The following RECQL4 variants were observed in gnomAD, a reference collection of about 807,000 sequenced individuals.
RECQL4 encodes the protein ATP-dependent DNA helicase Q4.
In RECQL4, 158 loss-of-function variants were observed where a neutral mutation model predicts 128.6. That is an observed-to-expected ratio of 1.23 (90% CI 1.08 to 1.40). The LOEUF (loss-of-function observed/expected upper bound fraction) is 1.40, where lower values mean the gene tolerates loss of function less well. RECQL4 is among the 40% of genes most tolerant of loss of function. The pLI, the probability that RECQL4 is intolerant of heterozygous loss-of-function variation, is 0.00. For synonymous variants in RECQL4, 996 were observed against 678.9 expected, an observed-to-expected ratio of 1.47 and a Z score of -7.26; for missense variants, 2,293 against 1,649.8, an observed-to-expected ratio of 1.39 and a Z score of -6.75.
At position 144,513,458 on chromosome 8, in the gene RECQL4, G is replaced by T; in HGVS notation, c.2223C>A (p.Ala741=). The part of the protein sequence containing the change: ...GSGGRAPKTT[A]EAYHAGMCSR... ...TGCACATGCCCGCGTGGTAGGCCTC[G>T]GCTGTGGTTTTGGGGGCACGACCTT... Residue 741 remains alanine, a synonymous_variant, in exon 14 of 21, where the codon GCC becomes GCA. Transcript: ENST00000617875. The T allele has an allele frequency of 6.2e-7, 1 of 1,609,842 alleles. No homozygotes were observed. Among genetic ancestry groups the T allele is most frequent in the Non-Finnish European group, 8.5e-7 (1 of 1,179,796 alleles).
At position 144,515,808 on chromosome 8, in the gene RECQL4, A is replaced by G. The variant is rs747571431; in HGVS notation, c.1214T>C (p.Leu405Pro). 3.1e-6 allele frequency: 5 copies of G among 1,612,672 alleles called. No homozygotes were observed. The Admixed American group carries it at 5.0e-5, about 16-fold the overall frequency. ...ATVTTKESCF[L>P]NEQFDHWAAQ... is the part of the protein sequence containing the mutation. ...TGCCCAGTGATCGAACTGCTCGTTC[A>G]GGAAACAAGACTCCTTGGTTGTGAC... Residue 405 changes from leucine to proline, a missense_variant, in exon 6 of 21, where the codon CTG becomes CCG. By Grantham distance (98) the Leu-to-Pro change is moderately conservative. Transcript: ENST00000617875.
chr8:144,515,510 CA>C, intron 6 of RECQL4, 53 bp from the exon 7 acceptor site: 1 of 1,610,706 alleles, frequency 6.2e-7, no homozygotes, highest in South Asian at 1.1e-5. Context: ...GCAAGACAAC[CA>C]CTGGCCACAA....
In RECQL4 at chr8:144,515,869, T is replaced by C. The variant is rs533978275; in HGVS notation, c.1153A>G (p.Lys385Glu). 1.2e-6 allele frequency: 2 copies of C among 1,612,876 alleles called. No homozygotes were observed. Among genetic ancestry groups the C allele is most frequent in the East Asian group, 2.2e-5 (1 of 44,870 alleles). The stretch of plus-strand genomic sequence containing the variant: ...CCACCCCCAAAACACTCCCCTTTCT[T>C]CCGCCACTTCTGCTTCCATGCCTGG... ...RKQAWKQKWR[K>E]KGECFGGGGA... The change falls in exon 6 of 21, where the codon AAG (lysine) becomes GAG (glutamate). Residue 385 changes from lysine (K) to glutamate (E), a missense_variant. Transcript: ENST00000617875.
At position 144,514,177 on chromosome 8, in the gene RECQL4, C is replaced by T. The variant is rs2130693978; in HGVS notation, c.1878+12G>A. On this transcript the variant is annotated intron_variant, in intron 11 of 20. Coordinates refer to ENST00000617875, the MANE Select transcript of RECQL4 (RefSeq NM_004260.4). ...GGCCCTGGCCGCCCACCCCAGTTCACATATGGCTCACCTTGCAGACGCGCA... is the reference window on the plus strand; with the variant it reads ...GGCCCTGGCCGCCCACCCCAGTTCATATATGGCTCACCTTGCAGACGCGCA... 6.2e-7 allele frequency: 1 copy of T among 1,612,286 alleles called. No homozygotes were observed. Among genetic ancestry groups the T allele is most frequent in the Non-Finnish European group, 8.5e-7 (1 of 1,179,714 alleles).
Position 144,511,977 on chromosome 8 carries a change from C to T in RECQL4, c.3327G>A (p.Glu1109=), listed in dbSNP as rs992381749. Residue 1109 remains glutamate, a synonymous_variant, in exon 19 of 21, where the codon GAG becomes GAA. Coordinates refer to ENST00000617875, the MANE Select transcript of RECQL4 (RefSeq NM_004260.4). ...CTCCCGGCTCCTGCCCTTCCTCTTC[C>T]TCAAAGTAGCGGCCGAGCAGGTCCT... ...RLKDLLGRYF[E]EEEGQEPGGM... is the part of the protein sequence containing the mutation. 2 of 1,611,340 alleles carry T rather than the reference C, an allele frequency of 1.2e-6. No homozygotes were observed. The highest frequency in any genetic ancestry group is 1.7e-6 in the Non-Finnish European group (2 of 1,179,660).
chr8:144,516,261 C>T lies in RECQL4; in HGVS notation c.858G>A (p.Ser286=), dbSNP rs1712693458. Residue 286 remains serine (S), a synonymous_variant, in exon 5 of 21, where the codon TCG becomes TCA. Transcript: ENST00000617875. ...CAACTGCTACAGCCCCAGCCCCCTCCGATGGGGGTCCAGCTTGGCTGCTCT... is the reference window on the plus strand; with the variant it reads ...CAACTGCTACAGCCCCAGCCCCCTCTGATGGGGGTCCAGCTTGGCTGCTCT... The part of the protein sequence containing the change: ...QQESSQAGPP[S]EGAGAVAVEE... 1.9e-6 allele frequency: 3 copies of T among 1,612,204 alleles called. No homozygotes were observed. The highest frequency in any genetic ancestry group is 1.3e-5 in the African/African-American group (1 of 74,918).
chr8:144,516,488 C>G lies in RECQL4; in HGVS notation c.631G>C (p.Asp211His), dbSNP rs776528292. ...FLGAPKACRP[D>H]LGSEESQLLI... Reference sequence around the variant, plus strand: ...AGTTGTGATTCCTCTGAGCCTAGATCAGGCCTGCAGGCTTTGGGGGCCCCC... The same window carrying G: ...AGTTGTGATTCCTCTGAGCCTAGATGAGGCCTGCAGGCTTTGGGGGCCCCC... The change falls in exon 5 of 21, where the codon GAT becomes CAT. Residue 211 changes from aspartate (D) to histidine (H), a missense_variant. Transcript: ENST00000617875. 4.4e-6 allele frequency: 7 copies of G among 1,608,724 alleles called. No homozygotes were observed. Among genetic ancestry groups the G allele is most frequent in the East Asian group, 4.5e-5 (2 of 44,894 alleles).
rs2130692519 is a variant in RECQL4, at chr8:144,514,078, G to A, written c.1908C>T (p.Cys636=). ...TGGCTGTGGCTGTGAGGCCCAGGAA[G>A]CAGTGCACGCCCATGCGCTCCCGAA... ...KVLRERMGVH[C]FLGLTATATR... The change falls in exon 12 of 21, where the codon TGC becomes TGT. Residue 636 remains cysteine (C), a synonymous_variant. Coordinates refer to ENST00000617875, the MANE Select transcript of RECQL4 (RefSeq NM_004260.4). The A allele has an allele frequency of 1.3e-6, 2 of 1,595,382 alleles. No individual in the cohort carries two copies. Among genetic ancestry groups the A allele is most frequent in the African/African-American group, 1.3e-5 (1 of 74,596 alleles).
intron 8 of RECQL4, 36 bp from the exon 9 acceptor site, chr8:144,515,108 G>A (rs763786134): frequency 2.5e-6 from 4 of 1,584,730 alleles, no homozygotes; most frequent in Non-Finnish European, 3.4e-6. Context: ...GGGTTCTGCA[G>A]CCTGGCCTCA....
rs533128954 is a variant in RECQL4 at position 144,512,075 on chromosome 8, G to A, written c.3237-8C>T. The A allele has an allele frequency of 5.0e-6, 8 of 1,606,908 alleles. No homozygotes were observed. Among genetic ancestry groups the A allele is most frequent in the Non-Finnish European group, 5.9e-6 (7 of 1,178,078 alleles). ...CAGCTGGGGAAGGCTACGCTGTGGGGAGGAGCCTGTCAGAGCTGATCACTG... is the reference window on the plus strand; with the variant it reads ...CAGCTGGGGAAGGCTACGCTGTGGGAAGGAGCCTGTCAGAGCTGATCACTG... On this transcript the variant is annotated splice_region_variant and splice_polypyrimidine_tract_variant and intron_variant, in intron 18 of 20. Transcript: ENST00000617875.
intron 9 of RECQL4, 127 bp from the exon 10 acceptor site, chr8:144,514,652 A>G: frequency 9.5e-7 from 1 of 1,054,144 alleles, no homozygotes; most frequent in South Asian, 1.6e-5. Context: ...CCTGGGTCCT[A>G]GGGCTAAGGG....
chr8:144,514,906 G>C, intron 9 of RECQL4, 30 bp downstream of exon 9: 1 of 1,608,176 alleles, frequency 6.2e-7, no homozygotes, highest in Non-Finnish European at 8.5e-7. Flanking sequence ...TCTTGGCTGT[G>C]TACGTGTGCC....
At chr8:144,517,556 G>T (rs1340130707) in intron 2 of RECQL4, 46 bp downstream of exon 2, 2 of 1,513,912 alleles carry the variant, frequency 1.3e-6, no homozygotes, top group South Asian at 1.2e-5. Flanking sequence ...CTGGGCCCCT[G>T]CCGACCCGGT....
rs1060504220 is a variant in RECQL4 at position 144,512,571 on chromosome 8, G to C, written c.2886-10C>G. The C allele has an allele frequency of 1.2e-6, 2 of 1,612,384 alleles. No individual in the cohort carries two copies. Among genetic ancestry groups the C allele is most frequent in the East Asian group, 2.2e-5 (1 of 44,880 alleles). ...AGCCAAAGGGGGACACCTGTGCCCA[G>C]GGAAAAAGGGACATGTGGCCAACAG... On this transcript the variant is annotated splice_polypyrimidine_tract_variant and intron_variant, in intron 16 of 20. Transcript: ENST00000617875.
chr8:144,513,365 C>G lies in RECQL4; in HGVS notation c.2316G>C (p.Val772=). ...GCCGGTCCAGCCCCATCCCAAAGGC[C>G]ACCGTGGCCACCACCACCCGCAACT... ...QGQLRVVVAT[V]AFGMGLDRPD... Residue 772 remains valine, a synonymous_variant, in exon 14 of 21, where the codon GTG becomes GTC. Transcript: ENST00000617875. 6.2e-7 allele frequency: 1 copy of G among 1,606,584 alleles called. No homozygotes were observed. Among genetic ancestry groups the G allele is most frequent in the South Asian group, 1.1e-5 (1 of 91,054 alleles).
At chr8:144,516,895 G>A (rs534299183) in intron 4 of RECQL4, 131 bp from the exon 5 acceptor site, 47 of 1,381,408 alleles carry the variant, frequency 3.4e-5, no homozygotes, top group South Asian at 1.1e-4. Context: ...TAGAAAGGGA[G>A]TCAAGGGCGA....
In RECQL4 at chr8:144,513,265, C is replaced by T. The variant is rs767102398; in HGVS notation, c.2416G>A (p.Gly806Arg). 2.9e-5 allele frequency: 46 copies of T among 1,593,348 alleles called. No individual in the cohort carries two copies. Among genetic ancestry groups the T allele is most frequent in the South Asian group, 6.6e-5 (6 of 90,540 alleles). Residue 806 changes from glycine (G) to arginine (R), a missense_variant, in exon 14 of 21, where the codon GGG becomes AGG. Gly to Arg is a moderately radical substitution (Grantham distance 125). Coordinates refer to ENST00000617875, the MANE Select transcript of RECQL4 (RefSeq NM_004260.4). The stretch of plus-strand genomic sequence containing the variant: ...CAGTGGGCAGGCTGCCCGTCACGCC[C>T]GGCCCGGCCCACGGCCTGCACGTAG... ...ESYVQAVGRA[G>R]RDGQPAHCHL...
rs761590283 is a variant in RECQL4 at position 144,514,343 on chromosome 8, T to C, written c.1724A>G (p.His575Arg). The C allele has an allele frequency of 1.9e-6, 3 of 1,606,076 alleles. No individual in the cohort carries two copies. Among genetic ancestry groups the C allele is most frequent in the Admixed American group, 3.3e-5 (2 of 59,716 alleles). Residue 575 changes from histidine to arginine, a missense_variant, in exon 11 of 21, where the codon CAC (histidine) becomes CGC (arginine). Physicochemically the swap from His to Arg is conservative, Grantham distance 29 (BLOSUM62 0). Coordinates refer to ENST00000617875, the MANE Select transcript of RECQL4 (RefSeq NM_004260.4). ...TGCCTCAGGTGTCAGCATCAGCACG[T>C]GTACCTGGGCTGCCCGAATCTGAAG... Reference protein sequence around the residue: ...VLQKIRAAQVHVLMLTPEALV... With the variant: ...VLQKIRAAQVRVLMLTPEALV...
In RECQL4 at chr8:144,511,581, T is replaced by G. The variant is rs1827205297; in HGVS notation, c.3503-26A>C. ...CTACGGTGGAGCCAAGACACAGCCGTGAGCCCCAGCCCCAGCCTGCAGCGG... is the reference window on the plus strand; with the variant it reads ...CTACGGTGGAGCCAAGACACAGCCGGGAGCCCCAGCCCCAGCCTGCAGCGG... On this transcript the variant is annotated intron_variant, in intron 20 of 20. Transcript: ENST00000617875. 2.5e-6 allele frequency: 4 copies of G among 1,609,598 alleles called. No homozygotes were observed. The South Asian group carries it at 3.3e-5, about 13-fold the overall frequency.
Sources: gnomAD v4.1 joint callset for allele counts on GRCh38, gnomAD v4.1.1 for gene constraint, MANE v1.5 for transcripts, NCBI Gene and HGNC (gene_info 2026-07-23, HGNC 2026-07-21) for gene names.